The following ROBO2 variants were observed in gnomAD, a reference collection of about 807,000 sequenced individuals.
ROBO2 encodes the protein roundabout homolog 2.
Under a neutral mutation model 160.8 loss-of-function variants are expected in ROBO2, and 53 were observed. The observed-to-expected ratio is 0.33, with a 90% confidence interval of 0.26 to 0.41. The LOEUF (loss-of-function observed/expected upper bound fraction) is 0.41, where lower values mean the gene tolerates loss of function less well. Ranked by LOEUF, ROBO2 falls within the 10% of genes least tolerant of loss-of-function variation. ROBO2 has a pLI of 1.00. For synonymous variants in ROBO2, 664 were observed against 611.7 expected (o/e 1.09, Z -1.26); for missense variants, 1,577 against 1,722.4 (o/e 0.92, Z 1.49).
Position 77,097,625 on chromosome 3 carries a change from A to G in ROBO2, c.62-389A>G, listed in dbSNP as rs144006985. 1.2e-3 allele frequency among the ~76,000 whole-genome samples: 187 copies of G among 152,198 alleles called. 2 individuals are homozygous for G. Among genetic ancestry groups the G allele is most frequent in the African/African-American group, 4.4e-3 (181 of 41,530 alleles). On this transcript the variant is annotated intron_variant, in intron 1 of 25. Coordinates refer to ENST00000461745, the Ensembl canonical transcript of ROBO2. ...ATTGGCAGCACATTAAATGCTATCT[A>G]TGTGTGTCTTCTAGCTGCTTGCTGA...
chr3:76,125,042 T>A (rs1255153104), intron 2 of ROBO2, among the ~76,000 whole-genome samples: 1 of 152,148 alleles, frequency 6.6e-6, no homozygotes, highest in Non-Finnish European at 1.5e-5. Flanking sequence ...ATTCTTGTGT[T>A]TATATTCACG....
In ROBO2 at chr3:76,631,376, C is replaced by T. The variant is rs114379244; in HGVS notation, c.110-466638C>T. On this transcript the variant is annotated intron_variant, in intron 2 of 26. Transcript: ENST00000487694. ...TGCGGGAGCCTCTGGTAAAGATTCC[C>T]TTGCTTGGACAATAATGAAAAGGTT... is the stretch of plus-strand genomic sequence containing the variant. Among the ~76,000 whole-genome samples the T allele has an allele frequency of 3.5e-3, 539 of 152,010 alleles. 4 individuals are homozygous for T. The highest frequency in any genetic ancestry group is 0.013 in the African/African-American group (522 of 41,464).
chr3:76,414,572 C>A (rs1262321577), intron 2 of ROBO2, among the ~76,000 whole-genome samples: 1 of 129,344 alleles, frequency 7.7e-6, no homozygotes, highest in Non-Finnish European at 1.5e-5. Context: ...ACAATGAGAT[C>A]ACATGGACAC....
intron 11 of ROBO2, among the ~76,000 whole-genome samples, chr3:77,563,694 C>T (rs77493722): frequency 0.14 from 21,824 of 151,976 alleles, 1,751 homozygotes; most frequent in South Asian, 0.18. Flanking sequence ...AGTTATGTGA[C>T]ATTTATTGAA....
chr3:77,546,280 C>T lies in ROBO2; in HGVS notation c.935-58C>T, dbSNP rs1002917611. The T allele has an allele frequency of 9.5e-6, 15 of 1,584,012 alleles. No individual in the cohort carries two copies. In the African/African-American group the frequency reaches 1.2e-4, roughly 13 times the overall value. ...ACATAGTACCATATTTTCTCCTTGA[C>T]ATATTTTTATTTGTCTATGGTTGAT... On this transcript the variant is annotated intron_variant, in intron 6 of 25. Coordinates refer to ENST00000461745, the Ensembl canonical transcript of ROBO2.
chr3:77,039,852 A>T (rs918381787), upstream of ROBO2: 2 of 152,370 alleles, frequency 1.3e-5, no homozygotes, highest in African/African-American at 4.8e-5. Flanking sequence ...GAGGAAGCGG[A>T]CGCTCTGCTG....
intron 2 of ROBO2, among the ~76,000 whole-genome samples, chr3:76,097,926 T>C (rs1197584515): frequency 1.3e-5 from 2 of 152,160 alleles, no homozygotes; most frequent in African/African-American, 4.8e-5. Context: ...AAACAACGAT[T>C]AATAAAATCA....
chr3:76,517,456 A>G (rs1311698545), intron 2 of ROBO2, among the ~76,000 whole-genome samples: 1 of 152,178 alleles, frequency 6.6e-6, no homozygotes, highest in Non-Finnish European at 1.5e-5. Context: ...CATCTTCCAG[A>G]TCAGAAAAGC....
At chr3:75,974,413 C>A (rs1413027391) in intron 2 of ROBO2, among the ~76,000 whole-genome samples, 1 of 151,524 alleles carries the variant, frequency 6.6e-6, no homozygotes, top group Non-Finnish European at 1.5e-5. Flanking sequence ...ATTATGCACC[C>A]CATATTTTGA....
intron 2 of ROBO2, among the ~76,000 whole-genome samples, chr3:76,015,432 C>G (rs930776791): frequency 7.0e-6 from 1 of 142,520 alleles, no homozygotes; most frequent in Admixed American, 7.6e-5. Context: ...AGTTTATTCC[C>G]TAGAGATATT....
At chr3:76,515,604 C>T (rs917576696) in intron 2 of ROBO2, among the ~76,000 whole-genome samples, 5 of 151,906 alleles carry the variant, frequency 3.3e-5, no homozygotes, top group Non-Finnish European at 7.4e-5. Context: ...GCATATAAAG[C>T]CTAAGCATAT....
chr3:76,034,612 G>A (rs1258789768), intron 2 of ROBO2, among the ~76,000 whole-genome samples: 1 of 150,602 alleles, frequency 6.6e-6, no homozygotes, highest in Non-Finnish European at 1.5e-5. Flanking sequence ...TATTTATTTT[G>A]CAGTTAAATT....
intron 2 of ROBO2, among the ~76,000 whole-genome samples, chr3:76,726,570 C>T (rs1411626001): frequency 6.6e-6 from 1 of 152,116 alleles, no homozygotes; most frequent in Admixed American, 6.5e-5. Flanking sequence ...GTCCTCTCCA[C>T]CTCCACCAAC....
chr3:77,603,189 T>C, intron 20 of ROBO2: 1 of 403,050 alleles, frequency 2.5e-6, no homozygotes, highest in Non-Finnish European at 5.1e-6. Flanking sequence ...GACAACAGTT[T>C]ATGCTAATGA....
intron 2 of ROBO2, chr3:76,434,518 T>C: frequency 6.4e-7 from 1 of 1,564,812 alleles, no homozygotes; most frequent in Admixed American, 1.7e-5. Flanking sequence ...AGTACAAAGA[T>C]GTGGATAAGA....
intron 2 of ROBO2, among the ~76,000 whole-genome samples, chr3:75,944,884 C>G (rs80050519): frequency 6.6e-6 from 1 of 151,984 alleles, no homozygotes; most frequent in Non-Finnish European, 1.5e-5. Context: ...AGTTATCTTC[C>G]TACTTTCTGT....
At chr3:76,679,235 G>C (rs2092492713) in intron 2 of ROBO2, among the ~76,000 whole-genome samples, 1 of 152,102 alleles carries the variant, frequency 6.6e-6, no homozygotes, top group South Asian at 2.1e-4. Context: ...TCTAGGAACT[G>C]TTTTGGTCAA....
chr3:77,394,084 C>A (rs569551415), intron 2 of ROBO2, among the ~76,000 whole-genome samples: 1 of 152,080 alleles, frequency 6.6e-6, no homozygotes, highest in Non-Finnish European at 1.5e-5. Flanking sequence ...TTTCCAACAC[C>A]ATAACAGTCT....
intron 2 of ROBO2, among the ~76,000 whole-genome samples, chr3:76,375,274 T>C (rs1020159906): frequency 6.6e-6 from 1 of 151,970 alleles, no homozygotes; most frequent in South Asian, 2.1e-4. Context: ...TGGGTAGTTT[T>C]TGTAGTCAAT....
Sources: allele counts gnomAD v4.1 joint callset (sites outside exome capture counted in the v4.1 genomes callset), GRCh38; gene constraint gnomAD v4.1.1; transcripts MANE v1.5; gene names NCBI Gene and HGNC (gene_info 2026-07-23, HGNC 2026-07-21).